The following ABCA13 variants were observed in gnomAD, a reference collection of about 807,000 sequenced individuals.
ABCA13 encodes the protein ATP-binding cassette sub-family A member 13.
In ABCA13, 476 loss-of-function variants were observed where a neutral mutation model predicts 478.7. The observed-to-expected ratio is 0.99, with a 90% CI of 0.92 to 1.07. The LOEUF (loss-of-function observed/expected upper bound fraction) is 1.07, where lower values mean the gene tolerates loss of function less well. ABCA13 is among the 50% of genes least tolerant of loss of function. ABCA13 has a pLI of 0.00. For synonymous variants in ABCA13, 2,252 were observed against 2,158.9 expected, an observed-to-expected ratio of 1.04 and a Z score of -1.20; for missense variants, 6,060 against 5,910.6, an observed-to-expected ratio of 1.03 and a Z score of -0.83.
intron 46 of ABCA13, among the ~76,000 whole-genome samples, chr7:48,482,084 A>T (rs896377163): frequency 6.6e-6 from 1 of 152,140 alleles, no homozygotes; most frequent in African/African-American, 2.4e-5. Context: ...AGTTTAATAG[A>T]TACAAGATAC....
intron 45 of ABCA13, among the ~76,000 whole-genome samples, chr7:48,479,380 G>T (rs974304082): frequency 6.6e-6 from 1 of 152,092 alleles, no homozygotes; most frequent in East Asian, 1.9e-4. Context: ...TGGGACCACA[G>T]GATTGTGCTA....
rs754416012 is a variant in ABCA13 at position 48,290,939 on chromosome 7, G to GAA, written c.8955+2861_8955+2862insAA. ...AAGGTTTAGAGAGCTTCACACTCAGGGAAAAAAAAAAAAAAAAAAAAAAAA... is the reference window on the plus strand; with the variant it reads ...AAGGTTTAGAGAGCTTCACACTCAGGAAGAAAAAAAAAAAAAAAAAAAAAAAA... On this transcript the variant is annotated intron_variant, in intron 20 of 61. Coordinates refer to ENST00000435803, the MANE Select transcript of ABCA13 (RefSeq NM_152701.5). Among the ~76,000 whole-genome samples the GAA allele has an allele frequency of 4.1e-3, 325 of 79,596 alleles. 17 individuals are homozygous for GAA. Among genetic ancestry groups the GAA allele is most frequent in the African/African-American group, 0.016 (308 of 19,162 alleles). 52.2% of individuals were successfully genotyped at this position (79,596 alleles called of 152,430 possible).
In ABCA13 at chr7:48,546,884, A is replaced by G. The variant is rs902855343; in HGVS notation, c.14354+18539A>G. 2.0e-5 allele frequency among the ~76,000 whole-genome samples: 3 copies of G among 151,764 alleles called. No homozygotes were observed. The East Asian group carries it at 5.8e-4, about 29-fold the overall frequency. On this transcript the variant is annotated intron_variant, in intron 55 of 61. Transcript: ENST00000435803. ...TTCATCTTCCTTTAGACTAATATGA[A>G]TCACAAATTAGAGTAGTTTGAATCA...
chr7:48,189,660 G>A (rs980317829), intron 1 of ABCA13, among the ~76,000 whole-genome samples: 2 of 152,092 alleles, frequency 1.3e-5, no homozygotes, highest in African/African-American at 2.4e-5. Context: ...TTTAAGACTG[G>A]ACTGAAAAAT....
chr7:48,642,554 A>AT (rs559626914), intron 59 of ABCA13, among the ~76,000 whole-genome samples: 12 of 151,968 alleles, frequency 7.9e-5, no homozygotes, highest in Non-Finnish European at 1.3e-4. Flanking sequence ...TGTATTTCTG[A>AT]TTTTTTTTGG....
At chr7:48,425,659 A>G (rs1055537853) in intron 41 of ABCA13, among the ~76,000 whole-genome samples, 7 of 152,218 alleles carry the variant, frequency 4.6e-5, no homozygotes, top group Admixed American at 1.3e-4. Flanking sequence ...CCAGCATGCT[A>G]CATGCCAGGC....
Position 48,587,056 on chromosome 7 carries a change from G to C in ABCA13, c.14506-98G>C. The C allele has an allele frequency of 2.0e-6, 3 of 1,521,274 alleles. No homozygotes were observed. The South Asian group carries it at 3.6e-5, about 18-fold the overall frequency. The allele number at this position is 1,521,274 out of a possible 1,614,324, so 94.2% of individuals were successfully genotyped here. A position where few individuals can be genotyped will look rare whatever the true frequency, so the allele number is the denominator to read the frequency against. On this transcript the variant is annotated intron_variant, in intron 56 of 61. Coordinates refer to ENST00000435803, the MANE Select transcript of ABCA13 (RefSeq NM_152701.5). The stretch of plus-strand genomic sequence containing the variant: ...GATTGTATGTGTGAAGGTCGGCAGG[G>C]TTAGTGGGAGGTAGAAGCAGGAATG...
rs1308763850 is a variant in ABCA13, at chr7:48,587,135, G to A, written c.14506-19G>A. Reference sequence around the variant, plus strand: ...CTTTGGTGAATGCTGGTGTGCACATGGACATGCCTCTCTTCCAGGTTGCTG... The same window carrying A: ...CTTTGGTGAATGCTGGTGTGCACATAGACATGCCTCTCTTCCAGGTTGCTG... On this transcript the variant is annotated intron_variant, in intron 56 of 61. Transcript: ENST00000435803. 1 of 1,612,628 alleles carries A rather than the reference G, an allele frequency of 6.2e-7. No individual in the cohort carries two copies. Among genetic ancestry groups the A allele is most frequent in the East Asian group, 2.2e-5 (1 of 44,786 alleles).
chr7:48,632,205 G>A (rs903847813), intron 59 of ABCA13, among the ~76,000 whole-genome samples: 1 of 152,058 alleles, frequency 6.6e-6, no homozygotes, highest in Non-Finnish European at 1.5e-5. Flanking sequence ...GGCTGCCTAA[G>A]TCTCTGTAGG....
intron 15 of ABCA13, 94 bp downstream of exon 15, chr7:48,249,445 C>T (rs1055610482): frequency 1.7e-5 from 26 of 1,525,752 alleles, no homozygotes; most frequent in African/African-American, 7.0e-5. Context: ...TTTAACAAAG[C>T]GGGGCTTAAA....
At chr7:48,183,328 C>G (rs2128875144) in intron 1 of ABCA13, among the ~76,000 whole-genome samples, 1 of 152,316 alleles carries the variant, frequency 6.6e-6, no homozygotes, top group South Asian at 2.1e-4. Context: ...ATTGTTTGTT[C>G]AAGACAGATG....
intron 59 of ABCA13, 42 bp from the exon 60 acceptor site, chr7:48,643,246 C>A: frequency 5.3e-6 from 7 of 1,321,534 alleles, no homozygotes; most frequent in South Asian, 5.2e-5. Context: ...CATCTTAGGT[C>A]AATATGATAA....
At chr7:48,571,063 A>G (rs1787598512) in intron 55 of ABCA13, among the ~76,000 whole-genome samples, 1 of 152,300 alleles carries the variant, frequency 6.6e-6, no homozygotes, top group African/African-American at 2.4e-5. Flanking sequence ...TAATTTCAAT[A>G]GTTTATAAAA....
chr7:48,303,773 T>C (rs543703906), intron 23 of ABCA13, among the ~76,000 whole-genome samples: 1 of 152,374 alleles, frequency 6.6e-6, no homozygotes, highest in East Asian at 1.9e-4. Flanking sequence ...TATCAAATTC[T>C]GATACTTTAA....
intron 38 of ABCA13, among the ~76,000 whole-genome samples, chr7:48,393,466 T>G (rs749251665): frequency 3.3e-5 from 5 of 152,238 alleles, no homozygotes; most frequent in Non-Finnish European, 7.3e-5. Context: ...GGTAATGGAC[T>G]GCACATTCCT....
chr7:48,188,345 T>G (rs2128885357), intron 1 of ABCA13, among the ~76,000 whole-genome samples: 1 of 152,336 alleles, frequency 6.6e-6, no homozygotes, highest in Admixed American at 6.5e-5. Flanking sequence ...TTGTTCACTT[T>G]CCTTGTTTAT....
At chr7:48,489,954 G>GAAAC (rs1379769157) in intron 48 of ABCA13, among the ~76,000 whole-genome samples, 3 of 152,106 alleles carry the variant, frequency 2.0e-5, no homozygotes, top group Non-Finnish European at 2.9e-5. Context: ...AGAAAGGAAA[G>GAAAC]AAACAAGAAG....
At chr7:48,498,774 G>C (rs1389137029) in intron 48 of ABCA13, among the ~76,000 whole-genome samples, 2 of 152,132 alleles carry the variant, frequency 1.3e-5, no homozygotes, top group Admixed American at 6.5e-5. Context: ...AGAATGCCAG[G>C]AGGTAGTTAT....
At chr7:48,189,521 G>GT (rs1306217225) in intron 1 of ABCA13, among the ~76,000 whole-genome samples, 3 of 152,126 alleles carry the variant, frequency 2.0e-5, no homozygotes, top group Non-Finnish European at 4.4e-5. Context: ...CTGAGATGTT[G>GT]TTTTTTAGGT....
Sources: allele counts gnomAD v4.1 joint callset (sites outside exome capture counted in the v4.1 genomes callset), GRCh38; gene constraint gnomAD v4.1.1; transcripts MANE v1.5; gene names NCBI Gene and HGNC (gene_info 2026-07-23, HGNC 2026-07-21).